DNAH14: variants seen among roughly 807,000 people sequenced by gnomAD.
The protein encoded by DNAH14 is axonemal beta dynein heavy chain 14.
In DNAH14, 478 loss-of-function variants were observed where a neutral mutation model predicts 520.9. That is an observed-to-expected ratio of 0.92 (90% CI 0.85 to 0.99). The LOEUF (loss-of-function observed/expected upper bound fraction) is 0.99. Ranked by LOEUF, DNAH14 falls within the 50% of genes least tolerant of loss-of-function variation. The pLI is 0.00. For synonymous variants in DNAH14, 1,581 were observed against 1,757.2 expected (o/e 0.90, Z 2.51); for missense variants, 4,831 against 5,234.5 (o/e 0.92, Z 2.38).
intron 69 of DNAH14, among the ~76,000 whole-genome samples, chr1:225,345,416 T>C (rs532515639): frequency 1.3e-5 from 2 of 152,322 alleles, no homozygotes; most frequent in South Asian, 2.1e-4. Flanking sequence ...AGAGCTCCCT[T>C]AAATATTTGA....
Position 225,140,931 on chromosome 1 carries a change from C to T in DNAH14, c.4418C>T (p.Ala1473Val), listed in dbSNP as rs1489999025. ...TCTCGAACAAAAGCTATACTAGGGG[C>T]ATTGCTTATCCTTTATGTTCACTGC... ...SNSRTKAILG[A>V]LLILYVHCRD... Residue 1473 changes from alanine to valine, a missense_variant, in exon 28 of 86, where the codon GCA becomes GTA. By Grantham distance (64) the Ala-to-Val change is moderately conservative. Transcript: ENST00000682510. 1 of 1,551,304 alleles carries T rather than the reference C, an allele frequency of 6.4e-7. No individual in the cohort carries two copies. The highest frequency in any genetic ancestry group is 8.7e-7 in the Non-Finnish European group (1 of 1,146,862).
intron 8 of DNAH14, among the ~76,000 whole-genome samples, chr1:224,975,334 C>T (rs1438979078): frequency 2.6e-5 from 4 of 151,042 alleles, no homozygotes; most frequent in South Asian, 2.1e-4. Context: ...TGGTAGAATT[C>T]GGCTGTGAAT....
intron 55 of DNAH14, among the ~76,000 whole-genome samples, chr1:225,294,197 TG>T (rs2093956076): frequency 6.6e-6 from 1 of 152,188 alleles, no homozygotes. Context: ...TTGAGATGAT[TG>T]TGGTTTTTTT....
chr1:225,084,807 C>G, intron 20 of DNAH14, among the ~76,000 whole-genome samples: 1 of 13,756 alleles, frequency 7.3e-5, no homozygotes, highest in African/African-American at 8.6e-5. Flanking sequence ...AGATTCACTT[C>G]ACTGAAATTT....
Position 225,060,529 on chromosome 1 carries a change from C to G in DNAH14, c.2424+8734C>G, listed in dbSNP as rs182054591. Among the ~76,000 whole-genome samples the G allele has an allele frequency of 4.2e-3, 637 of 152,290 alleles. 4 individuals are homozygous for G. Among genetic ancestry groups the G allele is most frequent in the African/African-American group, 0.015 (606 of 41,538 alleles). ...TCTCTCAACTCGTCAAAGTCATTCTCCATCCAGCTTTGTTCGGTTGCTGGT... is the reference window on the plus strand; with the variant it reads ...TCTCTCAACTCGTCAAAGTCATTCTGCATCCAGCTTTGTTCGGTTGCTGGT... On this transcript the variant is annotated intron_variant, in intron 17 of 85. Transcript: ENST00000682510.
At chr1:225,174,184 C>G (rs558542146) in intron 36 of DNAH14, among the ~76,000 whole-genome samples, 1 of 152,200 alleles carries the variant, frequency 6.6e-6, no homozygotes, top group South Asian at 2.1e-4. Flanking sequence ...ATGGGTACAG[C>G]ACACCAACAT....
intron 52 of DNAH14, among the ~76,000 whole-genome samples, chr1:225,274,208 T>A (rs867052403): frequency 6.2e-5 from 8 of 128,734 alleles, no homozygotes; most frequent in Non-Finnish European, 1.2e-4. Context: ...TTTTTTTTTT[T>A]TTTTTTTTTT....
intron 71 of DNAH14, among the ~76,000 whole-genome samples, chr1:225,350,941 T>G (rs2095356465): frequency 6.6e-6 from 1 of 152,150 alleles, no homozygotes; most frequent in South Asian, 2.1e-4. Flanking sequence ...ACAAGTAAAC[T>G]ACAGACCAAT....
At chr1:224,991,374 G>A (rs534424490) in intron 8 of DNAH14, among the ~76,000 whole-genome samples, 1 of 151,880 alleles carries the variant, frequency 6.6e-6, no homozygotes, top group East Asian at 1.9e-4. Context: ...CAAAGTGCTG[G>A]GATTAGAGGC....
At chr1:225,135,830 G>A (rs758062418) in intron 27 of DNAH14, among the ~76,000 whole-genome samples, 5 of 151,422 alleles carry the variant, frequency 3.3e-5, no homozygotes, top group South Asian at 2.1e-4. Flanking sequence ...GCTTTCTGAA[G>A]CTGGGTCCTC....
At chr1:224,998,954 G>C (rs2063569167) in intron 8 of DNAH14, among the ~76,000 whole-genome samples, 1 of 151,878 alleles carries the variant, frequency 6.6e-6, no homozygotes. Flanking sequence ...TACCCTTTTA[G>C]AATTATTCTG....
chr1:225,271,961 G>A lies in DNAH14; in HGVS notation c.7727G>A (p.Ser2576Asn), dbSNP rs1230469881. The A allele has an allele frequency of 2.3e-5, 35 of 1,550,324 alleles. No individual in the cohort carries two copies. Among genetic ancestry groups the A allele is most frequent in the Non-Finnish European group, 2.9e-5 (33 of 1,146,566 alleles). ...INNFTPEVQK[S>N]KDQIISCSLA... Reference sequence around the variant, plus strand: ...AACTTCACACCTGAAGTTCAGAAAAGTAAGGATCAGATAATATCTTGTTCC... The same window carrying A: ...AACTTCACACCTGAAGTTCAGAAAAATAAGGATCAGATAATATCTTGTTCC... The change falls in exon 51 of 86, where the codon AGT becomes AAT. Residue 2576 changes from serine to asparagine, a missense_variant. Coordinates refer to ENST00000682510, the MANE Select transcript of DNAH14 (RefSeq NM_001367479.1).
intron 17 of DNAH14, among the ~76,000 whole-genome samples, chr1:225,052,093 A>T (rs1017018858): frequency 8.5e-5 from 13 of 152,186 alleles, no homozygotes; most frequent in Middle Eastern, 3.4e-3. Flanking sequence ...TTACTACTGG[A>T]CATTATGTTA....
chr1:225,089,160 C>G (rs539912275), intron 21 of DNAH14, among the ~76,000 whole-genome samples: 5 of 152,122 alleles, frequency 3.3e-5, no homozygotes, highest in African/African-American at 9.6e-5. Flanking sequence ...TATAAGAAAA[C>G]AGGCTGGGTG....
chr1:225,102,159 C>A (rs1028162230), intron 23 of DNAH14, among the ~76,000 whole-genome samples: 1 of 150,568 alleles, frequency 6.6e-6, no homozygotes, highest in South Asian at 2.1e-4. Context: ...TTTCTCCTTG[C>A]GATAGTTTGC....
At chr1:225,101,715 A>G (rs1188085999) in intron 23 of DNAH14, among the ~76,000 whole-genome samples, 2 of 151,892 alleles carry the variant, frequency 1.3e-5, no homozygotes, top group South Asian at 2.1e-4. Flanking sequence ...GCCGAATAGT[A>G]CTCCATTTTG....
intron 10 of DNAH14, among the ~76,000 whole-genome samples, chr1:225,013,970 G>A (rs868044496): frequency 1.3e-5 from 2 of 152,066 alleles, no homozygotes; most frequent in Non-Finnish European, 2.9e-5. Context: ...GAATGGTTCT[G>A]TCTCACTGGT....
intron 17 of DNAH14, among the ~76,000 whole-genome samples, chr1:225,067,157 C>T (rs1036034737): frequency 1.3e-5 from 2 of 152,066 alleles, no homozygotes; most frequent in African/African-American, 2.4e-5. Context: ...GTGTTGTTCC[C>T]CTCTATGTGT....
At chr1:224,977,543 A>G (rs980811587) in intron 8 of DNAH14, among the ~76,000 whole-genome samples, 1 of 152,160 alleles carries the variant, frequency 6.6e-6, no homozygotes. Flanking sequence ...AAGAGGAGGG[A>G]AGGAAACTTT....
Sources: gnomAD v4.1 joint callset for allele counts (sites outside exome capture counted in the v4.1 genomes callset) on GRCh38, gnomAD v4.1.1 for gene constraint, MANE v1.5 for transcripts, NCBI Gene and HGNC (gene_info 2026-07-23, HGNC 2026-07-21) for gene names.